Variants in LYPD6 observed in about 807,000 individuals in gnomAD.
LYPD6 encodes the protein LY6/PLAUR domain containing 6.
Under a neutral mutation model 22.7 loss-of-function variants are expected in LYPD6, and 15 were observed. That is an observed-to-expected ratio of 0.66 (90% CI 0.44 to 1.02). The LOEUF (loss-of-function observed/expected upper bound fraction) is 1.02. Ranked by LOEUF, LYPD6 falls within the 50% of genes least tolerant of loss-of-function variation. The pLI is 0.00. For missense variants in LYPD6, 189 were observed against 208.4 expected, an observed-to-expected ratio of 0.91 and a Z score of 0.57; for synonymous variants, 72 against 77.5, an observed-to-expected ratio of 0.93 and a Z score of 0.37.
intron 1 of LYPD6, among the ~76,000 whole-genome samples, chr2:149,363,550 C>T (rs562495498): frequency 1.3e-5 from 2 of 152,160 alleles, no homozygotes; most frequent in East Asian, 3.9e-4. Flanking sequence ...TGTGATATGT[C>T]GTGAAGAAAA....
intron 1 of LYPD6, among the ~76,000 whole-genome samples, chr2:149,346,061 C>T (rs1573731373): frequency 6.6e-6 from 1 of 152,274 alleles, no homozygotes; most frequent in Middle Eastern, 3.4e-3. Context: ...AGCAGACTCT[C>T]CCTACTTGAT....
chr2:149,410,739 C>T (rs923501448), intron 1 of LYPD6, among the ~76,000 whole-genome samples: 2 of 152,126 alleles, frequency 1.3e-5, no homozygotes, highest in African/African-American at 2.4e-5. Context: ...ATTGTTCATG[C>T]GAGTCAGTAT....
At chr2:149,480,214 TAGTC>T in the LYPD6 span, among the ~76,000 whole-genome samples, 1 of 152,094 alleles carries the variant, frequency 6.6e-6, no homozygotes, top group Non-Finnish European at 1.5e-5. Context: ...TTCACCATGT[TAGTC>T]AGGCTGGTCT....
chr2:149,484,433 G>A, the LYPD6 span, among the ~76,000 whole-genome samples: 3 of 152,258 alleles, frequency 2.0e-5, no homozygotes, highest in East Asian at 1.9e-4. Flanking sequence ...TAAACACTAA[G>A]CATAGATTTA....
chr2:149,349,209 A>C (rs557517607), intron 1 of LYPD6, among the ~76,000 whole-genome samples: 48 of 152,296 alleles, frequency 3.2e-4, no homozygotes, highest in Admixed American at 1.0e-3. Context: ...TGGGAGCTTC[A>C]TGATCTCAGT....
At chr2:149,416,187 G>C (rs1026632376) in intron 1 of LYPD6, among the ~76,000 whole-genome samples, 2 of 152,154 alleles carry the variant, frequency 1.3e-5, no homozygotes, top group Non-Finnish European at 2.9e-5. Flanking sequence ...TTAATTTGGG[G>C]TCTGCAGTGG....
chr2:149,422,342 T>C (rs1056721918), intron 1 of LYPD6, among the ~76,000 whole-genome samples: 31 of 152,178 alleles, frequency 2.0e-4, no homozygotes, highest in African/African-American at 6.8e-4. Context: ...CTCCAGAGCC[T>C]GTGCTCCTGG....
intron 1 of LYPD6, among the ~76,000 whole-genome samples, chr2:149,360,363 A>C (rs1573740620): frequency 6.6e-6 from 1 of 152,192 alleles, no homozygotes; most frequent in African/African-American, 2.4e-5. Context: ...GCAGCTCAGT[A>C]GGTCTCAGCC....
At chr2:149,470,642 A>G (rs200939830) in intron 4 of LYPD6, 41 bp from the exon 5 acceptor site, 2 of 1,589,220 alleles carry the variant, frequency 1.3e-6, no homozygotes, top group African/African-American at 1.3e-5. Context: ...CTTCCAAGAC[A>G]TGCTGGCTTC....
At chr2:149,425,883 T>C (rs1280502462) in intron 1 of LYPD6, among the ~76,000 whole-genome samples, 1 of 152,248 alleles carries the variant, frequency 6.6e-6, no homozygotes, top group East Asian at 1.9e-4. Flanking sequence ...GCCAATCTTA[T>C]ACCCTTTCAC....
Position 149,344,501 on chromosome 2 carries a change from C to T in LYPD6, c.-72+13779C>T, listed in dbSNP as rs542458501. On this transcript the variant is annotated intron_variant, in intron 1 of 4. Coordinates refer to ENST00000334166, the MANE Select transcript of LYPD6 (RefSeq NM_194317.5). ...TTTACAAAAGACCCAGGTTTTATTC[C>T]GACAGAGGCGTTTCTAAGCAAAGCA... Among the ~76,000 whole-genome samples the T allele has an allele frequency of 7.3e-4, 111 of 152,130 alleles. 1 individual carries two copies. Among genetic ancestry groups the T allele is most frequent in the Middle Eastern group, 3.4e-3 (1 of 294 alleles).
intron 1 of LYPD6, among the ~76,000 whole-genome samples, chr2:149,336,671 T>C (rs569587438): frequency 1.3e-5 from 2 of 152,320 alleles, no homozygotes; most frequent in South Asian, 4.1e-4. Context: ...CTAAGTAATA[T>C]GGGATTGGAA....
chr2:149,450,201 C>G (rs944647511), intron 3 of LYPD6, among the ~76,000 whole-genome samples: 15 of 152,196 alleles, frequency 9.9e-5, no homozygotes, highest in African/African-American at 3.4e-4. Context: ...GCTTCAGCAG[C>G]AGCATCATTC....
chr2:149,447,335 A>C (rs1683711261), intron 2 of LYPD6, among the ~76,000 whole-genome samples: 1 of 152,174 alleles, frequency 6.6e-6, no homozygotes, highest in African/African-American at 2.4e-5. Flanking sequence ...GAAGAATCAA[A>C]GCACTTGGAG....
chr2:149,473,988 G>C lies in LYPD6; in HGVS notation c.*3138G>C, dbSNP rs180980059. On this transcript the variant is annotated 3_prime_UTR_variant, in exon 5 of 5. Transcript: ENST00000334166. ...TATTTTAAAATCGTATTCTATTTTG[G>C]GGGTTGTGTTAATGATGATGAACCA... The C allele has an allele frequency of 1.1e-3, 171 of 152,118 alleles. No homozygotes were observed. The highest frequency in any genetic ancestry group is 3.7e-3 in the African/African-American group (154 of 41,494). The allele number at this position is 152,118 out of a possible 1,614,324, so 9.4% of individuals were successfully genotyped here.
At chr2:149,422,108 G>A (rs1163815138) in intron 1 of LYPD6, among the ~76,000 whole-genome samples, 2 of 152,196 alleles carry the variant, frequency 1.3e-5, no homozygotes, top group Non-Finnish European at 2.9e-5. Flanking sequence ...ACCCAGATGA[G>A]TAACCAGGTG....
chr2:149,420,078 A>C (rs1056866234), intron 1 of LYPD6, among the ~76,000 whole-genome samples: 3 of 152,208 alleles, frequency 2.0e-5, no homozygotes, highest in African/African-American at 7.2e-5. Context: ...ACATCAGAAT[A>C]AGTGACTAGA....
At chr2:149,448,521 C>T (rs1366882866) in intron 2 of LYPD6, among the ~76,000 whole-genome samples, 1 of 152,026 alleles carries the variant, frequency 6.6e-6, no homozygotes, top group Non-Finnish European at 1.5e-5. Context: ...GGCCTCAAAC[C>T]CACCTCTCTC....
chr2:149,442,059 C>T (rs1403339677), intron 2 of LYPD6, among the ~76,000 whole-genome samples: 1 of 152,070 alleles, frequency 6.6e-6, no homozygotes, highest in Admixed American at 6.6e-5. Flanking sequence ...TTATTTCTGT[C>T]AGAAATATGT....
Sources: allele counts gnomAD v4.1 joint callset (sites outside exome capture counted in the v4.1 genomes callset), GRCh38; gene constraint gnomAD v4.1.1; transcripts MANE v1.5; gene names NCBI Gene and HGNC (gene_info 2026-07-23, HGNC 2026-07-21).